Variants in NBEA observed in about 807,000 individuals in gnomAD.
The protein encoded by NBEA is neurobeachin, also known as lysosomal-trafficking regulator 2.
In NBEA, 44 loss-of-function variants were observed where a neutral mutation model predicts 343.4. The observed-to-expected ratio is 0.13, with a 90% CI of 0.10 to 0.16. The LOEUF (loss-of-function observed/expected upper bound fraction) is 0.16, where lower values mean the gene tolerates loss of function less well. Among genes scored for constraint, NBEA ranks in the 10% least tolerant of loss-of-function variants. The pLI, the probability that NBEA is intolerant of heterozygous loss-of-function variation, is 1.00. For missense variants in NBEA, 2,555 were observed against 3,631.3 expected, an observed-to-expected ratio of 0.70 and a Z score of 7.62; for synonymous variants, 1,175 against 1,238.7, an observed-to-expected ratio of 0.95 and a Z score of 1.08.
intron 38 of NBEA, among the ~76,000 whole-genome samples, chr13:35,399,050 C>T (rs2042878326): frequency 6.6e-6 from 1 of 152,144 alleles, no homozygotes; most frequent in African/African-American, 2.4e-5. Context: ...TGCTTTGCTT[C>T]ATCTTGCACT....
chr13:35,078,641 A>G (rs1566249477), intron 10 of NBEA, among the ~76,000 whole-genome samples: 1 of 152,218 alleles, frequency 6.6e-6, no homozygotes, highest in Non-Finnish European at 1.5e-5. Flanking sequence ...GCAAGGATTT[A>G]TAATCTTCTT....
At chr13:35,299,477 C>T (rs1042989293) in intron 35 of NBEA, among the ~76,000 whole-genome samples, 1 of 152,132 alleles carries the variant, frequency 6.6e-6, no homozygotes, top group Non-Finnish European at 1.5e-5. Flanking sequence ...CGTCATCCTT[C>T]TGGAACTTAT....
At chr13:35,212,424 A>G (rs545701599) in intron 33 of NBEA, among the ~76,000 whole-genome samples, 1 of 152,036 alleles carries the variant, frequency 6.6e-6, no homozygotes, top group Non-Finnish European at 1.5e-5. Context: ...GGCATTTGGA[A>G]TTTTCCATTT....
chr13:35,671,084 C>A lies in NBEA; in HGVS notation c.*93C>A. ...TCTGGTGGAAAAAACTCGTCTACAT[C>A]GACCTCCGTTTGTACATTCCATCAC... On this transcript the variant is annotated 3_prime_UTR_variant, in exon 59 of 59. Coordinates refer to ENST00000379939, the MANE Select transcript of NBEA (RefSeq NM_001385012.1). 2.5e-6 allele frequency: 2 copies of A among 813,176 alleles called. No homozygotes were observed. The highest frequency in any genetic ancestry group is 2.1e-5 in the Admixed American group (1 of 47,372). 50.4% of individuals were successfully genotyped at this position (813,176 alleles called of 1,614,324 possible). A position where few individuals can be genotyped will look rare whatever the true frequency, so the allele number is the denominator to read the frequency against.
chr13:35,047,975 C>T (rs2062925044), intron 4 of NBEA, among the ~76,000 whole-genome samples: 1 of 151,636 alleles, frequency 6.6e-6, no homozygotes, highest in Admixed American at 6.6e-5. Context: ...CTATATTACT[C>T]CTTTTCTGCT....
chr13:35,296,717 C>T (rs1326261222), intron 35 of NBEA, among the ~76,000 whole-genome samples: 2 of 151,914 alleles, frequency 1.3e-5, no homozygotes, highest in African/African-American at 4.8e-5. Context: ...AGACAAATTA[C>T]AACAACTTTG....
intron 39 of NBEA, among the ~76,000 whole-genome samples, chr13:35,444,443 T>C (rs1286366089): frequency 6.6e-6 from 1 of 152,006 alleles, no homozygotes; most frequent in African/African-American, 2.4e-5. Flanking sequence ...GTATTTAGGT[T>C]TGGAAATGAA....
chr13:35,611,864 A>G (rs1347287044), intron 48 of NBEA, among the ~76,000 whole-genome samples: 1 of 152,212 alleles, frequency 6.6e-6, no homozygotes, highest in Non-Finnish European at 1.5e-5. Flanking sequence ...TAATGCTGCT[A>G]TGAACAGTCA....
intron 51 of NBEA, 121 bp downstream of exon 51, chr13:35,646,469 T>C: frequency 1.4e-6 from 1 of 724,528 alleles, no homozygotes. Flanking sequence ...GGTTAACTCT[T>C]CAGCCTAAGT....
At chr13:35,166,202 T>C (rs1168515436) in intron 24 of NBEA, among the ~76,000 whole-genome samples, 1 of 152,214 alleles carries the variant, frequency 6.6e-6, no homozygotes, top group East Asian at 1.9e-4. Flanking sequence ...AAAAACAGTT[T>C]AGCAATAAGT....
At chr13:35,312,949 G>A (rs1349304459) in intron 36 of NBEA, among the ~76,000 whole-genome samples, 3 of 152,198 alleles carry the variant, frequency 2.0e-5, no homozygotes. Flanking sequence ...ATGGGCATTT[G>A]AGTATTGAGC....
intron 39 of NBEA, among the ~76,000 whole-genome samples, chr13:35,438,967 C>T (rs866439776): frequency 1.8e-4 from 27 of 152,170 alleles, no homozygotes; most frequent in African/African-American, 5.3e-4. Flanking sequence ...ACTCAGAGGA[C>T]TTGTGTAACT....
intron 41 of NBEA, among the ~76,000 whole-genome samples, chr13:35,549,581 A>G (rs2079215890): frequency 6.6e-6 from 1 of 152,178 alleles, no homozygotes; most frequent in Non-Finnish European, 1.5e-5. Flanking sequence ...GTAGCTCAGT[A>G]TTAGAGCCAA....
intron 1 of NBEA, among the ~76,000 whole-genome samples, chr13:34,999,952 G>A (rs916937916): frequency 5.9e-5 from 9 of 152,080 alleles, no homozygotes; most frequent in Admixed American, 1.3e-4. Context: ...CCCATCATCC[G>A]TCGGTATGTC....
chr13:35,170,861 A>G (rs1434732937), intron 25 of NBEA, among the ~76,000 whole-genome samples: 2 of 151,916 alleles, frequency 1.3e-5, no homozygotes, highest in Non-Finnish European at 2.9e-5. Context: ...GGAAAGAAAA[A>G]TCAAAGCATA....
chr13:35,652,010 A>G (rs2084547916), intron 53 of NBEA, 134 bp downstream of exon 53: 5 of 643,550 alleles, frequency 7.8e-6, no homozygotes, highest in Non-Finnish European at 1.4e-5. Flanking sequence ...ATTATCATCA[A>G]GGAGCTGTGT....
At chr13:35,033,638 C>T (rs1024220286) in intron 1 of NBEA, among the ~76,000 whole-genome samples, 3 of 151,834 alleles carry the variant, frequency 2.0e-5, no homozygotes, top group African/African-American at 7.2e-5. Flanking sequence ...AATCCATGAA[C>T]ATGGAATATT....
chr13:35,067,280 C>A (rs545951972), intron 8 of NBEA, among the ~76,000 whole-genome samples: 4 of 151,994 alleles, frequency 2.6e-5, no homozygotes, highest in Non-Finnish European at 5.9e-5. Flanking sequence ...CACTTGGAGT[C>A]GTTTCCTTAG....
intron 39 of NBEA, among the ~76,000 whole-genome samples, chr13:35,445,272 T>G (rs1322597347): frequency 6.6e-6 from 1 of 152,158 alleles, no homozygotes; most frequent in Non-Finnish European, 1.5e-5. Flanking sequence ...TTTTTCAGTT[T>G]TAATTATGTA....
Sources: allele counts gnomAD v4.1 joint callset (sites outside exome capture counted in the v4.1 genomes callset), GRCh38; gene constraint gnomAD v4.1.1; transcripts MANE v1.5; gene names NCBI Gene and HGNC (gene_info 2026-07-23, HGNC 2026-07-21).